Variants in C5 observed in about 807,000 individuals in gnomAD.
C5 encodes the protein complement C5, also known as C3 and PZP-like alpha-2-macroglobulin domain-containing protein 4.
A neutral mutation model predicts 218.8 loss-of-function variants in C5; 140 were observed. The observed-to-expected ratio is 0.64, with a 90% CI of 0.56 to 0.74. The LOEUF (loss-of-function observed/expected upper bound fraction) is 0.74, where lower values mean the gene tolerates loss of function less well. Ranked by LOEUF, C5 falls within the 30% of genes least tolerant of loss-of-function variation. The pLI is 0.00. For synonymous variants in C5, 614 were observed against 682.3 expected (o/e 0.90, Z 1.56); for missense variants, 1,700 against 1,969.6 (o/e 0.86, Z 2.59).
the C5 span, among the ~76,000 whole-genome samples, chr9:121,066,921 C>A: frequency 6.7e-6 from 1 of 148,864 alleles, no homozygotes; most frequent in African/African-American, 2.5e-5. Flanking sequence ...AAGCATCTTA[C>A]AAAGTTCAAC....
chr9:121,016,422 A>G (rs1266960960), intron 14 of C5, 39 bp from the exon 15 acceptor site: 1 of 1,612,434 alleles, frequency 6.2e-7, no homozygotes, highest in East Asian at 2.2e-5. Flanking sequence ...ATTGAGATGT[A>G]TAAATCATTC....
intron 1 of C5, among the ~76,000 whole-genome samples, chr9:121,049,633 T>G (rs2131829275): frequency 6.6e-6 from 1 of 152,342 alleles, no homozygotes; most frequent in East Asian, 1.9e-4. Context: ...GATTAGATGA[T>G]CTGCAGTTAC....
At chr9:120,991,316 C>A (rs1421033248) in intron 22 of C5, 36 bp from the exon 23 acceptor site, 1 of 1,149,344 alleles carries the variant, frequency 8.7e-7, no homozygotes, top group East Asian at 2.3e-5. Flanking sequence ...TACAGAGTTT[C>A]CAGGGGAAGA....
In C5 at chr9:121,020,144, ATTTTCTTCT is replaced by A; in HGVS notation, c.1329_1337del (p.Glu444_Asn446del). Reference sequence around the variant, plus strand: ...TTGCTCGGTAACCTTCCCTGGCCTGATTTTCTTCTGGAAGATCTGGAGCATCAGTTTTGA... The same window carrying A: ...TTGCTCGGTAACCTTCCCTGGCCTGAGGAAGATCTGGAGCATCAGTTTTGA... On this transcript the variant is annotated inframe_deletion, in exon 12 of 41. Coordinates refer to ENST00000223642, the MANE Select transcript of C5 (RefSeq NM_001735.3). The A allele has an allele frequency of 6.2e-7, 1 of 1,614,016 alleles. No individual in the cohort carries two copies. The highest frequency in any genetic ancestry group is 8.5e-7 in the Non-Finnish European group (1 of 1,179,942).
chr9:120,989,596 C>A lies in C5; in HGVS notation c.3126G>T (p.Lys1042Asn), dbSNP rs41311885. ...NIFHSDPLIEKQKLKKKLKEG... is the reference protein window; with the variant it reads ...NIFHSDPLIENQKLKKKLKEG... The stretch of plus-strand genomic sequence containing the variant: ...CTTTTAATTTTTTCTTCAGTTTCTG[C>A]TTTTCAATTAATGGGTCAGAATGAA... The change falls in exon 24 of 41, where the codon AAG becomes AAT. Residue 1042 changes from lysine to asparagine, a missense_variant. Transcript: ENST00000223642. 3 of 1,608,282 alleles carry A rather than the reference C, an allele frequency of 1.9e-6. No homozygotes were observed. The South Asian group carries it at 3.3e-5, about 18-fold the overall frequency.
the C5 span, among the ~76,000 whole-genome samples, chr9:121,062,648 T>G: frequency 5.3e-5 from 8 of 152,228 alleles, no homozygotes; most frequent in African/African-American, 1.9e-4. Flanking sequence ...CTGCTTCCCT[T>G]GGGTTCTGTG....
chr9:120,960,211 C>T, intron 38 of C5, 37 bp downstream of exon 38: 1 of 1,310,042 alleles, frequency 7.6e-7, no homozygotes, highest in Non-Finnish European at 1.1e-6. Flanking sequence ...CATAAAATTT[C>T]ATGTTTAAAG....
At chr9:121,071,799 A>C in the C5 span, among the ~76,000 whole-genome samples, 15 of 152,338 alleles carry the variant, frequency 9.8e-5, no homozygotes, top group African/African-American at 3.1e-4. Context: ...AAATTCGCAA[A>C]ATGATTAAAC....
intron 25 of C5, among the ~76,000 whole-genome samples, chr9:120,988,075 G>A (rs2047047763): frequency 6.6e-6 from 1 of 152,208 alleles, no homozygotes; most frequent in South Asian, 2.1e-4. Context: ...ACAGGCGTGA[G>A]CCACCATGCC....
chr9:121,012,387 G>A (rs1441884556), intron 17 of C5, among the ~76,000 whole-genome samples: 1 of 152,140 alleles, frequency 6.6e-6, no homozygotes, highest in African/African-American at 2.4e-5. Flanking sequence ...GGTGGCAGGT[G>A]CATGTAATCC....
chr9:121,008,460 G>A lies in C5; in HGVS notation c.2296C>T (p.Arg766Trp), dbSNP rs767119237. The change falls in exon 18 of 41, where the codon CGG (arginine) becomes TGG (tryptophan). Residue 766 changes from arginine to tryptophan, a missense_variant. Transcript: ENST00000223642. The stretch of plus-strand genomic sequence containing the variant: ...AACCAGCTTTCTGGAAAATAACTCC[G>A]AATTTCTGGCTTGCTTACTGGTAAC... ...TLLPVSKPEIRSYFPESWLWE... is the reference protein window; with the variant it reads ...TLLPVSKPEIWSYFPESWLWE... The A allele has an allele frequency of 6.8e-6, 11 of 1,613,584 alleles. No homozygotes were observed. The highest frequency in any genetic ancestry group is 1.6e-4 in the Middle Eastern group (1 of 6,082).
intron 31 of C5, among the ~76,000 whole-genome samples, chr9:120,971,337 C>T (rs2046911471): frequency 6.6e-6 from 1 of 151,584 alleles, no homozygotes; most frequent in Non-Finnish European, 1.5e-5. Context: ...TATGTATATA[C>T]ACATATGCCA....
At chr9:121,043,460 C>G (rs1242097701) in intron 2 of C5, among the ~76,000 whole-genome samples, 1 of 152,070 alleles carries the variant, frequency 6.6e-6, no homozygotes, top group African/African-American at 2.4e-5. Flanking sequence ...AACCTTCACT[C>G]AATTAGTTTG....
chr9:121,012,524 C>T (rs1317004433), intron 17 of C5, among the ~76,000 whole-genome samples: 1 of 152,116 alleles, frequency 6.6e-6, no homozygotes, highest in Non-Finnish European at 1.5e-5. Context: ...CTCAAACAAA[C>T]AAACAAACAA....
At chr9:120,989,212 C>G in intron 24 of C5, 91 bp from the exon 25 acceptor site, 1 of 1,029,852 alleles carries the variant, frequency 9.7e-7, no homozygotes, top group Non-Finnish European at 1.5e-6. Flanking sequence ...TGGTAAGCTT[C>G]CTTTGGTGTT....
chr9:120,961,613 A>G (rs751610775), intron 36 of C5, 48 bp from the exon 37 acceptor site: 26 of 1,185,762 alleles, frequency 2.2e-5, no homozygotes, highest in Non-Finnish European at 3.3e-5. Context: ...ATTGAAGAAC[A>G]ACACATTTAC....
At chr9:121,009,602 C>A (rs1390543828) in intron 17 of C5, among the ~76,000 whole-genome samples, 1 of 152,170 alleles carries the variant, frequency 6.6e-6, no homozygotes, top group South Asian at 2.1e-4. Context: ...AGCAAGATGG[C>A]TGAATAGAAG....
chr9:120,993,306 C>T (rs2131717309), intron 22 of C5, among the ~76,000 whole-genome samples: 1 of 152,240 alleles, frequency 6.6e-6, no homozygotes, highest in Non-Finnish European at 1.5e-5. Flanking sequence ...TAAATGCTAA[C>T]ATGGATTTTT....
rs576879239 is a variant in C5 at position 120,969,127 on chromosome 9, T to A, written c.4163-9A>T. The A allele has an allele frequency of 1.2e-6, 2 of 1,612,876 alleles. No homozygotes were observed. Among genetic ancestry groups the A allele is most frequent in the Admixed American group, 1.7e-5 (1 of 60,024 alleles). Reference sequence around the variant, plus strand: ...GCCTCTGTAGTGGGATGCTGGCACATAAGACAAGAAAACAAACAGACAAAT... The same window carrying A: ...GCCTCTGTAGTGGGATGCTGGCACAAAAGACAAGAAAACAAACAGACAAAT... On this transcript the variant is annotated splice_polypyrimidine_tract_variant and intron_variant, in intron 32 of 40. Coordinates refer to ENST00000223642, the MANE Select transcript of C5 (RefSeq NM_001735.3).
Sources: gnomAD v4.1 joint callset for allele counts (sites outside exome capture counted in the v4.1 genomes callset) on GRCh38, gnomAD v4.1.1 for gene constraint, MANE v1.5 for transcripts, NCBI Gene and HGNC (gene_info 2026-07-23, HGNC 2026-07-21) for gene names.